The following SDK1 variants were observed in gnomAD, a reference collection of about 807,000 sequenced individuals.
SDK1 encodes the protein sidekick cell adhesion molecule 1.
A neutral mutation model predicts 245.5 loss-of-function variants in SDK1; 157 were observed. The ratio of observed to expected loss-of-function variants is 0.64; its 90% CI spans 0.56 to 0.73. The LOEUF (loss-of-function observed/expected upper bound fraction) is 0.73. Among genes scored for constraint, SDK1 ranks in the 30% least tolerant of loss-of-function variants. The pLI is 0.00. For missense variants in SDK1, 3,583 were observed against 3,002.3 expected (o/e 1.19, Z -4.52); for synonymous variants, 1,647 against 1,278.5 (o/e 1.29, Z -6.15).
At chr7:3,865,954 G>A (rs1780811319) in intron 5 of SDK1, among the ~76,000 whole-genome samples, 1 of 152,182 alleles carries the variant, frequency 6.6e-6, no homozygotes, top group Non-Finnish European at 1.5e-5. Context: ...TATTTGAAAA[G>A]CAGAGAGAGC....
intron 1 of SDK1, among the ~76,000 whole-genome samples, chr7:3,436,422 C>G (rs1248083324): frequency 9.2e-5 from 14 of 152,030 alleles, no homozygotes; most frequent in Admixed American, 9.2e-4. Flanking sequence ...TTTCCCTGAA[C>G]CTCTTCTGCT....
intron 20 of SDK1, among the ~76,000 whole-genome samples, chr7:4,071,784 C>T (rs776183127): frequency 6.6e-5 from 10 of 152,188 alleles, no homozygotes; most frequent in Non-Finnish European, 1.2e-4. Context: ...AGAAACGGGG[C>T]TGCCCGGGTA....
chr7:3,827,311 T>G (rs1779802019), intron 5 of SDK1, among the ~76,000 whole-genome samples: 1 of 152,170 alleles, frequency 6.6e-6, no homozygotes, highest in South Asian at 2.1e-4. Flanking sequence ...CATATTCACA[T>G]TCTAAAACTG....
In SDK1 at chr7:3,969,274, A is replaced by C; in HGVS notation, c.1564A>C (p.Ser522Arg). ...TTCTTTAGAAAACCACATTCTGGCC[A>C]GTGGCTCTGTCCGGATTCCTAGGTT... ...TWKRENHILA[S>R]GSVRIPRFML... The change falls in exon 11 of 45, where the codon AGT becomes CGT. Residue 522 changes from serine (S) to arginine (R), a missense_variant. Ser to Arg is a moderately radical substitution (Grantham distance 110). Coordinates refer to ENST00000404826, the MANE Select transcript of SDK1 (RefSeq NM_152744.4). 1 of 1,602,524 alleles carries C rather than the reference A, an allele frequency of 6.2e-7. No homozygotes were observed. Among genetic ancestry groups the C allele is most frequent in the Non-Finnish European group, 8.5e-7 (1 of 1,174,490 alleles).
At chr7:3,943,377 T>A (rs1245984090) in intron 5 of SDK1, among the ~76,000 whole-genome samples, 1 of 2,592 alleles carries the variant, frequency 3.9e-4, no homozygotes. Context: ...CTCCCTTCTT[T>A]CCCCTTCTCC....
intron 5 of SDK1, among the ~76,000 whole-genome samples, chr7:3,900,533 G>T (rs1162665031): frequency 1.3e-5 from 2 of 152,098 alleles, no homozygotes; most frequent in Non-Finnish European, 2.9e-5. Flanking sequence ...TATCCTTATA[G>T]AATTTCTCCT....
intron 5 of SDK1, among the ~76,000 whole-genome samples, chr7:3,826,891 T>G (rs1779788985): frequency 6.6e-6 from 1 of 152,090 alleles, no homozygotes; most frequent in African/African-American, 2.4e-5. Context: ...GGGAATGAGT[T>G]TTAGAAGAGG....
At position 3,329,463 on chromosome 7, in the gene SDK1, G is replaced by A. The variant is rs75973034; in HGVS notation, c.298+27579G>A. ...AGAGTTCAGAGTTGTGCAACTCTCA[G>A]TAGTCAATTTCAGAGTATTTTCTTC... is the stretch of plus-strand genomic sequence containing the variant. On this transcript the variant is annotated intron_variant, in intron 1 of 44. Transcript: ENST00000404826. Among the ~76,000 whole-genome samples the A allele has an allele frequency of 1.6e-3, 237 of 152,292 alleles. 2 individuals carry two copies. Among genetic ancestry groups the A allele is most frequent in the Non-Finnish European group, 2.4e-3 (166 of 68,002 alleles).
chr7:3,649,009 C>T (rs1478906755), intron 4 of SDK1, among the ~76,000 whole-genome samples: 1 of 152,178 alleles, frequency 6.6e-6, no homozygotes, highest in Non-Finnish European at 1.5e-5. Context: ...CTCTTTCTTC[C>T]TTCATGCATC....
At chr7:3,594,455 CTT>C (rs1265239317) in intron 1 of SDK1, among the ~76,000 whole-genome samples, 1 of 152,140 alleles carries the variant, frequency 6.6e-6, no homozygotes, top group African/African-American at 2.4e-5. Flanking sequence ...TTTCGTTTCT[CTT>C]GAGTATATAC....
intron 5 of SDK1, among the ~76,000 whole-genome samples, chr7:3,880,698 C>T (rs1047083207): frequency 6.6e-6 from 1 of 152,044 alleles, no homozygotes; most frequent in Admixed American, 6.6e-5. Flanking sequence ...AACACATTCC[C>T]CAGGTCGAGG....
intron 19 of SDK1, among the ~76,000 whole-genome samples, chr7:4,064,930 G>C (rs749578048): frequency 6.6e-6 from 1 of 152,120 alleles, no homozygotes; most frequent in Non-Finnish European, 1.5e-5. Context: ...GTGGTGGGGA[G>C]AAAGAGAGGT....
intron 14 of SDK1, among the ~76,000 whole-genome samples, chr7:4,003,751 C>T (rs1355616665): frequency 2.0e-5 from 3 of 152,240 alleles, no homozygotes; most frequent in African/African-American, 7.2e-5. Flanking sequence ...TCAGCAGCAC[C>T]TGTCTTGAGT....
chr7:3,518,902 A>G (rs912064183), intron 1 of SDK1, among the ~76,000 whole-genome samples: 10 of 152,264 alleles, frequency 6.6e-5, no homozygotes, highest in Non-Finnish European at 1.2e-4. Flanking sequence ...ACCCATGTCC[A>G]ACAACAGATG....
At chr7:3,442,763 C>T (rs1404650997) in intron 1 of SDK1, among the ~76,000 whole-genome samples, 2 of 152,008 alleles carry the variant, frequency 1.3e-5, no homozygotes, top group East Asian at 3.8e-4. Context: ...TTTCCTTTTT[C>T]CTTTTGTGTG....
intron 1 of SDK1, among the ~76,000 whole-genome samples, chr7:3,311,189 G>A (rs1056163495): frequency 2.6e-5 from 4 of 152,112 alleles, no homozygotes; most frequent in African/African-American, 9.7e-5. Flanking sequence ...GATGGGCCTG[G>A]GGGGAGAGTA....
At chr7:3,770,177 T>G (rs369169040) in intron 4 of SDK1, among the ~76,000 whole-genome samples, 20 of 152,258 alleles carry the variant, frequency 1.3e-4, no homozygotes, top group African/African-American at 4.8e-4. Flanking sequence ...TCTATAATTA[T>G]GTCATTTCAA....
At chr7:3,805,785 A>G (rs1341700465) in intron 4 of SDK1, among the ~76,000 whole-genome samples, 1 of 152,174 alleles carries the variant, frequency 6.6e-6, no homozygotes, top group Non-Finnish European at 1.5e-5. Flanking sequence ...AGTGTATCCA[A>G]AAAAGAAATA....
intron 1 of SDK1, among the ~76,000 whole-genome samples, chr7:3,570,528 T>C (rs1456257458): frequency 6.6e-6 from 1 of 152,202 alleles, no homozygotes; most frequent in Non-Finnish European, 1.5e-5. Flanking sequence ...CCAACTCTTC[T>C]CTGCATCTTG....
Sources: gnomAD v4.1 joint callset for allele counts (sites outside exome capture counted in the v4.1 genomes callset) on GRCh38, gnomAD v4.1.1 for gene constraint, MANE v1.5 for transcripts, NCBI Gene and HGNC (gene_info 2026-07-23, HGNC 2026-07-21) for gene names.